PCDHGA3: variants seen among roughly 807,000 people sequenced by gnomAD.
PCDHGA3 encodes protocadherin gamma subfamily A, 3, also known as protocadherin gamma-A3.
In PCDHGA3, 40 loss-of-function variants were observed where a neutral mutation model predicts 58.5. The observed-to-expected ratio is 0.68, with a 90% confidence interval of 0.53 to 0.89. The LOEUF is 0.89. PCDHGA3 is among the 40% of genes least tolerant of loss of function. The pLI is 0.00. For synonymous variants in PCDHGA3, 530 were observed against 525.7 expected (o/e 1.01, Z -0.11); for missense variants, 1,223 against 1,195.9 (o/e 1.02, Z -0.33).
chr5:141,506,447 A>G (rs1405495926), intron 3 of PCDHGA3, among the ~76,000 whole-genome samples: 3 of 146,906 alleles, frequency 2.0e-5, no homozygotes, highest in Non-Finnish European at 3.0e-5. Flanking sequence ...TCTGTCTCAA[A>G]AAAAAAAAAA....
rs376458225 is a variant in PCDHGA3, at chr5:141,345,715, A to G, written c.1682A>G (p.Glu561Gly). 4 of 1,614,112 alleles carry G rather than the reference A, an allele frequency of 2.5e-6. No individual in the cohort carries two copies. Among genetic ancestry groups the G allele is most frequent in the Admixed American group, 3.3e-5 (2 of 60,012 alleles). The change falls in exon 1 of 4, where the codon GAG (glutamate) becomes GGG (glycine). Residue 561 changes from glutamate (E) to glycine (G), a missense_variant. Coordinates refer to ENST00000253812, the MANE Select transcript of PCDHGA3 (RefSeq NM_018916.4). ...FVLDQNDNAP[E>G]ILYPALPTDG... Reference sequence around the variant, plus strand: ...CTGGACCAGAACGACAACGCGCCCGAGATCCTGTACCCCGCCCTCCCCACA... The same window carrying G: ...CTGGACCAGAACGACAACGCGCCCGGGATCCTGTACCCCGCCCTCCCCACA...
At chr5:141,419,253 A>G in intron 1 of PCDHGA3, 4 of 1,613,990 alleles carry the variant, frequency 2.5e-6, no homozygotes, top group South Asian at 1.1e-5. Flanking sequence ...CCAGAAAACA[A>G]CCAGCCGGGT....
At chr5:141,418,744 T>C in intron 1 of PCDHGA3, 1 of 1,613,936 alleles carries the variant, frequency 6.2e-7, no homozygotes, top group Non-Finnish European at 8.5e-7. Context: ...TCTCTCTGGA[T>C]TACACTACAG....
Position 141,344,764 on chromosome 5 carries a change from A to T in PCDHGA3, c.731A>T (p.Gln244Leu), listed in dbSNP as rs1418296616. 6.2e-7 allele frequency: 1 copy of T among 1,614,002 alleles called. No homozygotes were observed. The highest frequency in any genetic ancestry group is 1.1e-5 in the South Asian group (1 of 91,078). ...AATGACAACCCACCAATGTTTACTC[A>T]GCCTGAGTACCGTGTGAGTGTTTGG... ...DANDNPPMFT[Q>L]PEYRVSVWEN... Residue 244 changes from glutamine (Q) to leucine (L), a missense_variant, in exon 1 of 4, where the codon CAG (glutamine) becomes CTG (leucine). Physicochemically the swap from Gln to Leu is moderately radical, Grantham distance 113 (BLOSUM62 -2). Coordinates refer to ENST00000253812, the MANE Select transcript of PCDHGA3 (RefSeq NM_018916.4).
chr5:141,499,047 GA>G (rs2099789201), intron 2 of PCDHGA3, among the ~76,000 whole-genome samples: 1 of 151,580 alleles, frequency 6.6e-6, no homozygotes, highest in South Asian at 2.1e-4. Flanking sequence ...GAAAAAGGGA[GA>G]AAAAATGAAG....
At chr5:141,352,318 T>C (rs1387178628) in intron 1 of PCDHGA3, 10 of 1,613,912 alleles carry the variant, frequency 6.2e-6, no homozygotes, top group Non-Finnish European at 8.5e-6. Context: ...AACTGCAGTT[T>C]TACCTGGTTG....
intron 1 of PCDHGA3, chr5:141,415,740 G>GTTTTGTTTTT (rs2095911163): frequency 1.9e-6 from 1 of 515,998 alleles, no homozygotes; most frequent in African/African-American, 2.8e-5. Context: ...GTTTATTAAG[G>GTTTTGTTTTT]TTTTTTTTTT....
chr5:141,389,429 G>A (rs201662463), intron 1 of PCDHGA3: 149 of 1,610,654 alleles, frequency 9.3e-5, no homozygotes, highest in Non-Finnish European at 8.6e-5. Context: ...TGTTCGCGCA[G>A]CGCGCCTTCG....
chr5:141,374,384 C>A, intron 1 of PCDHGA3: 1 of 1,613,962 alleles, frequency 6.2e-7, no homozygotes, highest in East Asian at 2.2e-5. Flanking sequence ...TCAGAGCCCG[C>A]GGTGTCTGGT....
At chr5:141,479,986 C>T (rs2099510881) in intron 1 of PCDHGA3, among the ~76,000 whole-genome samples, 1 of 152,200 alleles carries the variant, frequency 6.6e-6, no homozygotes, top group Non-Finnish European at 1.5e-5. Flanking sequence ...CATTTACCAA[C>T]TAGGAGTCTG....
At chr5:141,351,896 G>A (rs775011195) in intron 1 of PCDHGA3, 35 of 1,613,322 alleles carry the variant, frequency 2.2e-5, no homozygotes, top group Non-Finnish European at 2.6e-5. Flanking sequence ...GAGCCTGCGC[G>A]TGTTGGTGGG....
chr5:141,485,341 G>C lies in PCDHGA3; in HGVS notation c.2425-9466G>C. 1.2e-6 allele frequency: 2 copies of C among 1,614,118 alleles called. No homozygotes were observed. Among genetic ancestry groups the C allele is most frequent in the Non-Finnish European group, 8.5e-7 (1 of 1,180,022 alleles). ...TCGCTCAAGATTTCCTGCTGGATAC[G>C]GACAGTCTGTCAGCTCGCAGGCTGC... On this transcript the variant is annotated intron_variant, in intron 1 of 3. Coordinates refer to ENST00000253812, the MANE Select transcript of PCDHGA3 (RefSeq NM_018916.4). The surrounding 1 kb of genome is among the most constrained non-coding windows in gnomAD (Gnocchi z 5.7).
chr5:141,379,424 G>C (rs1775590923), intron 1 of PCDHGA3: 1 of 152,218 alleles, frequency 6.6e-6, no homozygotes, highest in Non-Finnish European at 1.5e-5. Context: ...TCATGAGTTA[G>C]ATGGGCTGTT....
Position 141,477,665 on chromosome 5 carries a change from G to T in PCDHGA3, c.2425-17142G>T, listed in dbSNP as rs753814499. ...CTATTTCACAATAAATCGTGACAAT[G>T]GCATAGTGTCATCCTTAGTGCCCCT... is the stretch of plus-strand genomic sequence containing the variant. On this transcript the variant is annotated intron_variant, in intron 1 of 3. Coordinates refer to ENST00000253812, the MANE Select transcript of PCDHGA3 (RefSeq NM_018916.4). The surrounding 1 kb of genome is among the most constrained non-coding windows in gnomAD (Gnocchi z 4.9). 6.2e-7 allele frequency: 1 copy of T among 1,614,182 alleles called. No individual in the cohort carries two copies. The highest frequency in any genetic ancestry group is 8.5e-7 in the Non-Finnish European group (1 of 1,180,038).
chr5:141,369,295 G>A (rs556803561), intron 1 of PCDHGA3, among the ~76,000 whole-genome samples: 2 of 152,200 alleles, frequency 1.3e-5, no homozygotes, highest in Admixed American at 6.5e-5. Context: ...TCCTAATAAC[G>A]CATCATTGTT....
At position 141,487,215 on chromosome 5, in the gene PCDHGA3, C is replaced by G. The variant is rs1248989099; in HGVS notation, c.2425-7592C>G. 4 of 1,613,850 alleles carry G rather than the reference C, an allele frequency of 2.5e-6. No homozygotes were observed. Among genetic ancestry groups the G allele is most frequent in the East Asian group, 4.5e-5 (2 of 44,882 alleles). The stretch of plus-strand genomic sequence containing the variant: ...GTCCCAGATCTTCGAGAATCTTCAG[C>G]TCCAAGGGAAGGAGAATCTCGTCTA... On this transcript the variant is annotated intron_variant, in intron 1 of 3. Coordinates refer to ENST00000253812, the MANE Select transcript of PCDHGA3 (RefSeq NM_018916.4). This position sits in a 1 kb window ranked among gnomAD's most constrained non-coding sequence, Gnocchi z 5.0.
intron 1 of PCDHGA3, chr5:141,413,905 C>G: frequency 6.2e-7 from 1 of 1,613,338 alleles, no homozygotes; most frequent in Non-Finnish European, 8.5e-7. Context: ...TGACAACGCG[C>G]CGGTCTTCAC....
intron 1 of PCDHGA3, chr5:141,388,040 G>A (rs1561617548): frequency 7.1e-7 from 1 of 1,412,748 alleles, no homozygotes; most frequent in Non-Finnish European, 9.6e-7. Flanking sequence ...ACCTCGCCAC[G>A]GACCTGGGGT....
Position 141,376,503 on chromosome 5 carries a change from T to C in PCDHGA3, c.2424+30046T>C, listed in dbSNP as rs192154001. 1.1e-5 allele frequency: 17 copies of C among 1,614,052 alleles called. No homozygotes were observed. In the African/African-American group the frequency reaches 2.1e-4, roughly 20 times the overall value. ...GAAACGAAAGGAGAACCCAGGCAAC[T>C]TCAGGTGAGTTTCTTTCCGCCTAAG... is the stretch of plus-strand genomic sequence containing the variant. On this transcript the variant is annotated intron_variant, in intron 1 of 3. Transcript: ENST00000253812.
Sources: gnomAD v4.1 joint callset for allele counts (sites outside exome capture counted in the v4.1 genomes callset) on GRCh38, gnomAD v4.1.1 for gene constraint, Gnocchi (gnomAD v3.1) non-coding constraint, MANE v1.5 for transcripts, NCBI Gene and HGNC (gene_info 2026-07-23, HGNC 2026-07-21) for gene names.